Variants in LPP observed in about 807,000 individuals in gnomAD.
The protein encoded by LPP is LIM domain containing preferred translocation partner in lipoma, also known as lipoma-preferred partner.
LPP carries 38 observed loss-of-function variants against 60.4 expected under a neutral mutation model. That is an observed-to-expected ratio of 0.63 (90% CI 0.49 to 0.83). The LOEUF (loss-of-function observed/expected upper bound fraction) is 0.83, where lower values mean the gene tolerates loss of function less well. Among genes scored for constraint, LPP ranks in the 40% least tolerant of loss-of-function variants. LPP has a pLI of 0.00. For synonymous variants in LPP, 328 were observed against 290.8 expected (o/e 1.13, Z -1.30); for missense variants, 902 against 783.6 (o/e 1.15, Z -1.80).
intron 6 of LPP, among the ~76,000 whole-genome samples, chr3:188,545,904 C>A (rs1471301445): frequency 6.6e-6 from 1 of 152,108 alleles, no homozygotes; most frequent in African/African-American, 2.4e-5. Context: ...AGGCTCCAGA[C>A]AAGTTTGTGG....
intron 1 of LPP, among the ~76,000 whole-genome samples, chr3:188,222,369 G>A (rs1716111140): frequency 1.3e-5 from 2 of 152,202 alleles, no homozygotes; most frequent in South Asian, 4.1e-4. Context: ...AAAAGCCTTG[G>A]AAGGGGTGAA....
intron 4 of LPP, among the ~76,000 whole-genome samples, chr3:188,418,753 GTTA>G (rs1787008670): frequency 6.6e-6 from 1 of 152,070 alleles, no homozygotes; most frequent in African/African-American, 2.4e-5. Flanking sequence ...GTCTCAAGAA[GTTA>G]TTACCAAGTT....
chr3:188,311,711 T>C (rs1489994469), intron 2 of LPP, among the ~76,000 whole-genome samples: 1 of 152,044 alleles, frequency 6.6e-6, no homozygotes, highest in Non-Finnish European at 1.5e-5. Context: ...TGATGTTGGC[T>C]CACTGCAACC....
At chr3:188,300,469 T>C (rs1258881771) in intron 2 of LPP, among the ~76,000 whole-genome samples, 1 of 151,600 alleles carries the variant, frequency 6.6e-6, no homozygotes, top group East Asian at 1.9e-4. Context: ...TTTTTTTTTT[T>C]TTTTTTGGCA....
At chr3:188,639,965 C>T (rs1276829317) in intron 7 of LPP, among the ~76,000 whole-genome samples, 2 of 152,132 alleles carry the variant, frequency 1.3e-5, no homozygotes, top group Non-Finnish European at 2.9e-5. Context: ...TGTGGCAATA[C>T]CTCAGGGATC....
chr3:188,401,534 C>G (rs1244627404), intron 3 of LPP, among the ~76,000 whole-genome samples: 6 of 152,192 alleles, frequency 3.9e-5, no homozygotes, highest in Non-Finnish European at 8.8e-5. Context: ...CTGTGTTGCT[C>G]TCTTTCTCTT....
At chr3:188,175,072 T>C (rs1044440154) in intron 1 of LPP, among the ~76,000 whole-genome samples, 5 of 152,114 alleles carry the variant, frequency 3.3e-5, no homozygotes, top group African/African-American at 1.2e-4. Context: ...TTAGTTTCTT[T>C]AGAGTAGAAT....
intron 9 of LPP, among the ~76,000 whole-genome samples, chr3:188,793,569 G>A (rs949690991): frequency 2.6e-5 from 4 of 152,016 alleles, no homozygotes; most frequent in African/African-American, 4.8e-5. Context: ...AAGAGTAAGC[G>A]GCCAGCCTGC....
At chr3:188,804,441 A>G (rs1269273096) in intron 9 of LPP, among the ~76,000 whole-genome samples, 1 of 151,236 alleles carries the variant, frequency 6.6e-6, no homozygotes, top group Non-Finnish European at 1.5e-5. Context: ...CAATGGAAAC[A>G]TATGGACATA....
At chr3:188,703,258 G>A (rs886064720) in intron 7 of LPP, among the ~76,000 whole-genome samples, 2 of 152,130 alleles carry the variant, frequency 1.3e-5, no homozygotes, top group Admixed American at 6.5e-5. Flanking sequence ...ATATTCAATC[G>A]TGTTTTATTA....
intron 9 of LPP, among the ~76,000 whole-genome samples, chr3:188,808,036 T>C (rs1328315396): frequency 6.6e-6 from 1 of 152,158 alleles, no homozygotes; most frequent in African/African-American, 2.4e-5. Context: ...GGTGTTTGTG[T>C]CAATCTTGTC....
intron 7 of LPP, among the ~76,000 whole-genome samples, chr3:188,639,951 T>A (rs1243162442): frequency 6.6e-6 from 1 of 152,212 alleles, no homozygotes; most frequent in African/African-American, 2.4e-5. Context: ...ATTGTGGAAG[T>A]CAGTGTGGCA....
chr3:188,200,264 T>C (rs981007181), intron 1 of LPP, among the ~76,000 whole-genome samples: 5 of 150,506 alleles, frequency 3.3e-5, no homozygotes, highest in African/African-American at 1.2e-4. Context: ...TTTTTTTTTT[T>C]CTGAGACGGA....
chr3:188,273,756 C>T (rs113338680), intron 2 of LPP, among the ~76,000 whole-genome samples: 4,437 of 151,866 alleles, frequency 0.029, 241 homozygotes, highest in African/African-American at 0.099. Context: ...CCACCACACC[C>T]AGTTATTTTT....
chr3:188,483,957 G>A (rs752427594), intron 4 of LPP, among the ~76,000 whole-genome samples: 11 of 151,750 alleles, frequency 7.2e-5, no homozygotes, highest in South Asian at 2.1e-4. Context: ...TAATTTTATC[G>A]CATATCTAAT....
intron 5 of LPP, among the ~76,000 whole-genome samples, chr3:188,512,328 C>T (rs62289635): frequency 0.3 from 45,353 of 151,990 alleles, 8,540 homozygotes; most frequent in Middle Eastern, 0.46. Context: ...GAGGCCTAGG[C>T]GGGTGGATCG....
chr3:188,665,702 C>T (rs940486868), intron 7 of LPP, among the ~76,000 whole-genome samples: 11 of 152,116 alleles, frequency 7.2e-5, no homozygotes, highest in African/African-American at 2.4e-4. Flanking sequence ...ACCTCGTGAT[C>T]TGCCTGCCTC....
chr3:188,881,604 C>T lies in LPP; in HGVS notation c.*7125C>T, dbSNP rs879498902. ...CAGAAGGATAGAACTCCCATGTCTA[C>T]AGACAGTTCTGTTACTTTTTGTTCT... is the stretch of plus-strand genomic sequence containing the variant. On this transcript the variant is annotated 3_prime_UTR_variant, in exon 12 of 12. Coordinates refer to ENST00000617246, the MANE Select transcript of LPP (RefSeq NM_001375462.1). 2.7e-5 allele frequency: 6 copies of T among 219,428 alleles called. No individual in the cohort carries two copies. The highest frequency in any genetic ancestry group is 5.5e-5 in the Non-Finnish European group (6 of 109,306). 13.6% of individuals were successfully genotyped at this position (219,428 alleles called of 1,614,324 possible).
At chr3:188,156,587 A>G (rs1001011721) in intron 1 of LPP, among the ~76,000 whole-genome samples, 11 of 152,162 alleles carry the variant, frequency 7.2e-5, no homozygotes, top group African/African-American at 1.9e-4. Context: ...TAATGCCAGC[A>G]CTTTGGGAGG....
Sources: allele counts gnomAD v4.1 joint callset (sites outside exome capture counted in the v4.1 genomes callset), GRCh38; gene constraint gnomAD v4.1.1; transcripts MANE v1.5; gene names NCBI Gene and HGNC (gene_info 2026-07-23, HGNC 2026-07-21).